SLC19A1: variants seen among roughly 807,000 people sequenced by gnomAD.
SLC19A1 encodes the protein solute carrier family 19 member 1, also known as reduced folate transporter.
In SLC19A1, 37 loss-of-function variants were observed where a neutral mutation model predicts 35.3. The ratio of observed to expected loss-of-function variants is 1.05; its 90% CI spans 0.81 to 1.38. SLC19A1 has a LOEUF of 1.38. SLC19A1 is among the 40% of genes most tolerant of loss of function. The pLI, the probability that SLC19A1 is intolerant of heterozygous loss-of-function variation, is 0.00. For synonymous variants in SLC19A1, 460 were observed against 398.5 expected (o/e 1.15, Z -1.84); for missense variants, 831 against 826.9 (o/e 1.00, Z -0.06).
intron 5 of SLC19A1, among the ~76,000 whole-genome samples, chr21:45,523,465 G>C (rs759382751): frequency 6.6e-6 from 1 of 152,184 alleles, no homozygotes; most frequent in East Asian, 1.9e-4. Context: ...GACCAGCTAA[G>C]GAAGGGAAAG....
chr21:45,508,258 A>T (rs1568948481), downstream of SLC19A1, among the ~76,000 whole-genome samples: 1 of 141,324 alleles, frequency 7.1e-6, no homozygotes, highest in Admixed American at 7.0e-5. Context: ...GATGGTGGAC[A>T]GGTGGGTGAG....
chr21:45,515,905 G>T lies in SLC19A1; in HGVS notation c.1529C>A (p.Ala510Asp). ...PPLSPEDSLG[A>D]VGPASLEQRQ... ...CTGCTCCAGGGAGGCTGGCCCCACA[G>T]CCCCCAGGCTGTCTTCTGGGGAAAG... is the stretch of plus-strand genomic sequence containing the variant. Residue 510 changes from alanine (A) to aspartate (D), a missense_variant, in exon 6 of 6, where the codon GCT (alanine) becomes GAT (aspartate). Coordinates refer to ENST00000311124, the MANE Select transcript of SLC19A1 (RefSeq NM_194255.4). 6.4e-7 allele frequency: 1 copy of T among 1,553,348 alleles called. No homozygotes were observed. The highest frequency in any genetic ancestry group is 8.7e-7 in the Non-Finnish European group (1 of 1,149,560).
intron 1 of SLC19A1, among the ~76,000 whole-genome samples, chr21:45,555,139 A>AG (rs2078531339): frequency 2.0e-5 from 2 of 100,196 alleles, no homozygotes; most frequent in African/African-American, 7.8e-5. Flanking sequence ...CTCGCGACGC[A>AG]GGGGGCGGTG....
At chr21:45,551,345 GTTCCT>G (rs2078464958) in intron 1 of SLC19A1, among the ~76,000 whole-genome samples, 1 of 151,970 alleles carries the variant, frequency 6.6e-6, no homozygotes, top group South Asian at 2.1e-4. Flanking sequence ...TGACTTTGTT[GTTCCT>G]TTCCTGTTCT....
At chr21:45,512,472 C>T (rs1009694037), downstream of SLC19A1, 27 of 1,427,520 alleles carry the variant, frequency 1.9e-5, no homozygotes, top group South Asian at 3.6e-5. Context: ...AGGGAGCGGC[C>T]GGCCAGCCCC....
chr21:45,526,723 C>A (rs750117386), intron 4 of SLC19A1, among the ~76,000 whole-genome samples: 5 of 152,236 alleles, frequency 3.3e-5, no homozygotes, highest in Non-Finnish European at 7.3e-5. Context: ...AGGCACGCGC[C>A]ATCATGCCCA....
chr21:45,514,904 G>A lies in SLC19A1; in HGVS notation c.*754C>T, dbSNP rs2037809733. The A allele has an allele frequency of 2.5e-6, 3 of 1,211,368 alleles. No homozygotes were observed. The South Asian group carries it at 5.3e-5, about 22-fold the overall frequency. The allele number at this position is 1,211,368 out of a possible 1,614,324, so 75.0% of individuals were successfully genotyped here. ...GCAAGCCTGGCACATACCAAGGCCA[G>A]CACGTCCGCGGTGACCGGGACCAGT... On this transcript the variant is annotated 3_prime_UTR_variant, in exon 6 of 6. Transcript: ENST00000311124.
At chr21:45,545,426 G>A (rs560072047), upstream of SLC19A1, among the ~76,000 whole-genome samples, 6 of 149,672 alleles carry the variant, frequency 4.0e-5, no homozygotes, top group East Asian at 1.0e-3. Context: ...CTGGCTCCCC[G>A]TCACCTTCCA....
chr21:45,514,946 C>A lies in SLC19A1; in HGVS notation c.*712G>T. ...GGGACCAGTCCCCTCCGGGCTGGCA[C>A]AAGTGTGGGAGCAGCTGAGGACCCG... is the stretch of plus-strand genomic sequence containing the variant. On this transcript the variant is annotated 3_prime_UTR_variant, in exon 6 of 6. Transcript: ENST00000311124. 6.9e-7 allele frequency: 1 copy of A among 1,450,926 alleles called. No individual in the cohort carries two copies. The highest frequency in any genetic ancestry group is 9.1e-7 in the Non-Finnish European group (1 of 1,097,350). The allele number at this position is 1,450,926 out of a possible 1,614,324, so 89.9% of individuals were successfully genotyped here.
intron 1 of SLC19A1, among the ~76,000 whole-genome samples, chr21:45,558,813 C>CT (rs11363347): frequency 2.4e-4 from 35 of 144,072 alleles, no homozygotes; most frequent in South Asian, 2.0e-3. Flanking sequence ...TTTCTTTTTT[C>CT]TTTTTTTTTT....
chr21:45,505,682 G>C (rs969843255), intron 3 of SLC19A1, among the ~76,000 whole-genome samples: 2 of 152,160 alleles, frequency 1.3e-5, no homozygotes, highest in Non-Finnish European at 2.9e-5. Context: ...GGCAGGCAGG[G>C]GTCCCCATGG....
Position 45,505,188 on chromosome 21 carries a change from C to A in SLC19A1, c.498-6576G>T, listed in dbSNP as rs779499435. The A allele has an allele frequency of 1.6e-5, 25 of 1,602,540 alleles. No homozygotes were observed. Among genetic ancestry groups the A allele is most frequent in the South Asian group, 1.1e-5 (1 of 89,944 alleles). The stretch of plus-strand genomic sequence containing the variant: ...GCCCGGCCCACCTGGACCTCAGGGA[C>A]CCCCCGGCATCGGCTACGAGGGGCG... On this transcript the variant is annotated intron_variant, in intron 3 of 4. Transcript: ENST00000417954.
Position 45,517,043 on chromosome 21 carries a change from C to G in SLC19A1, c.1294-903G>C, listed in dbSNP as rs563937253. On this transcript the variant is annotated intron_variant, in intron 5 of 5. Coordinates refer to ENST00000311124, the MANE Select transcript of SLC19A1 (RefSeq NM_194255.4). This position sits in a 1 kb window ranked among gnomAD's most constrained non-coding sequence, Gnocchi z 4.4. ...GAGGAGGACAGACTGACCAGGCCCT[C>G]GGGGTCTGGGGAGCTGTGCCACACA... Among the ~76,000 whole-genome samples, 1 of 152,064 alleles carries G rather than the reference C, an allele frequency of 6.6e-6. No homozygotes were observed. Among genetic ancestry groups the G allele is most frequent in the Admixed American group, 6.5e-5 (1 of 15,268 alleles).
In SLC19A1 at chr21:45,534,987, G is replaced by T. The variant is rs2078059919; in HGVS notation, c.189+2784C>A. Reference sequence around the variant, plus strand: ...AAATCTACGTCCAGACGGCCTCAGGGCGGCTTCTCTGAACAGGGAGGCGGG... The same window carrying T: ...AAATCTACGTCCAGACGGCCTCAGGTCGGCTTCTCTGAACAGGGAGGCGGG... On this transcript the variant is annotated intron_variant, in intron 2 of 5. Coordinates refer to ENST00000311124, the MANE Select transcript of SLC19A1 (RefSeq NM_194255.4). This position sits in a 1 kb window ranked among gnomAD's most constrained non-coding sequence, Gnocchi z 4.2. Among the ~76,000 whole-genome samples, 1 of 152,280 alleles carries T rather than the reference G, an allele frequency of 6.6e-6. No homozygotes were observed. The highest frequency in any genetic ancestry group is 1.5e-5 in the Non-Finnish European group (1 of 68,046).
At chr21:45,529,567 G>C (rs1602785513) in intron 4 of SLC19A1, among the ~76,000 whole-genome samples, 1 of 152,146 alleles carries the variant, frequency 6.6e-6, no homozygotes, top group East Asian at 1.9e-4. Context: ...TATGTGGTGG[G>C]AGTGTGTCAA....
At position 45,538,763 on chromosome 21, in the gene SLC19A1, G is replaced by A. The variant is rs181329741; in HGVS notation, c.-49-755C>T. Among the ~76,000 whole-genome samples, 33 of 152,302 alleles carry A rather than the reference G, an allele frequency of 2.2e-4. No homozygotes were observed. The East Asian group carries it at 5.2e-3, about 24-fold the overall frequency. On this transcript the variant is annotated intron_variant, in intron 1 of 5. Transcript: ENST00000311124. Reference sequence around the variant, plus strand: ...GCATCCCCGGCGGCAGGTTACCCTAGACGAAAGCAGCTGGCAGGAGCCATG... The same window carrying A: ...GCATCCCCGGCGGCAGGTTACCCTAAACGAAAGCAGCTGGCAGGAGCCATG...
downstream of SLC19A1, among the ~76,000 whole-genome samples, chr21:45,508,829 G>A (rs2037404920): frequency 6.6e-6 from 1 of 152,190 alleles, no homozygotes; most frequent in South Asian, 2.1e-4. Flanking sequence ...AGCAGACAGT[G>A]GGGACAGCCA....
At chr21:45,547,434 A>G (rs901421054), upstream of SLC19A1, among the ~76,000 whole-genome samples, 1 of 152,242 alleles carries the variant, frequency 6.6e-6, no homozygotes, top group African/African-American at 2.4e-5. Flanking sequence ...AATTCAGGGA[A>G]AGCCGACCAA....
chr21:45,517,695 CG>C lies in SLC19A1; in HGVS notation c.1294-1556del, dbSNP rs1568973473. Among the ~76,000 whole-genome samples the C allele has an allele frequency of 6.6e-6, 1 of 152,080 alleles. No homozygotes were observed. The highest frequency in any genetic ancestry group is 1.5e-5 in the Non-Finnish European group (1 of 67,996). ...CTGGGGGGTGTCAGAGGAGGTCAAG[CG>C]GGAGTCCAGACTTTCACCTACCCAG... On this transcript the variant is annotated intron_variant, in intron 5 of 5. Transcript: ENST00000311124. This position sits in a 1 kb window ranked among gnomAD's most constrained non-coding sequence, Gnocchi z 4.4.
Sources: gnomAD v4.1 joint callset for allele counts (sites outside exome capture counted in the v4.1 genomes callset) on GRCh38, gnomAD v4.1.1 for gene constraint, Gnocchi (gnomAD v3.1) non-coding constraint, MANE v1.5 for transcripts, NCBI Gene and HGNC (gene_info 2026-07-23, HGNC 2026-07-21) for gene names.